The following ZMAT4 variants were observed in gnomAD, a reference collection of about 807,000 sequenced individuals.
ZMAT4 encodes zinc finger matrin-type 4.
In ZMAT4, 17 loss-of-function variants were observed where a neutral mutation model predicts 28.7. That is an observed-to-expected ratio of 0.59 (90% CI 0.41 to 0.89). ZMAT4 has a LOEUF of 0.89. ZMAT4 is among the 40% of genes least tolerant of loss of function. The probability of loss-of-function intolerance (pLI) is 0.00; values close to 1 mark genes in which losing one functional copy is unlikely to be tolerated. For synonymous variants in ZMAT4, 117 were observed against 109.2 expected, an observed-to-expected ratio of 1.07 and a Z score of -0.44; for missense variants, 240 against 283.8, an observed-to-expected ratio of 0.85 and a Z score of 1.11.
chr8:40,595,632 T>C (rs1805064658), intron 5 of ZMAT4, among the ~76,000 whole-genome samples: 1 of 152,110 alleles, frequency 6.6e-6, no homozygotes, highest in South Asian at 2.1e-4. Context: ...TATCTAAACA[T>C]ACCTAAGCAC....
At chr8:40,558,803 C>T (rs760034844) in intron 6 of ZMAT4, among the ~76,000 whole-genome samples, 3 of 151,956 alleles carry the variant, frequency 2.0e-5, no homozygotes, top group Non-Finnish European at 4.4e-5. Flanking sequence ...ATCCCAGCCA[C>T]GACAGGATGA....
Position 40,801,436 on chromosome 8 carries a change from G to C in ZMAT4, c.102+24139C>G, listed in dbSNP as rs1461573640. On this transcript the variant is annotated intron_variant, in intron 2 of 6. Transcript: ENST00000297737. ...TAATCCCAGCACTCTGGGAGGCTGA[G>C]GCAGGCAGATCATCTGAGGTCAGGA... Among the ~76,000 whole-genome samples, 8 of 150,438 alleles carry C rather than the reference G, an allele frequency of 5.3e-5. No individual in the cohort carries two copies. In the South Asian group the frequency reaches 1.7e-3, roughly 31 times the overall value.
At chr8:40,679,440 C>G (rs190488731) in intron 4 of ZMAT4, among the ~76,000 whole-genome samples, 1 of 152,136 alleles carries the variant, frequency 6.6e-6, no homozygotes, top group Non-Finnish European at 1.5e-5. Flanking sequence ...CATAGTTCCA[C>G]AGGGCTGGGG....
chr8:40,685,958 T>A (rs1270279157), intron 4 of ZMAT4, among the ~76,000 whole-genome samples: 2 of 152,040 alleles, frequency 1.3e-5, no homozygotes, highest in African/African-American at 4.8e-5. Context: ...TGCAGGTACC[T>A]CCAATGGGCA....
chr8:40,549,113 C>T (rs947347483), intron 6 of ZMAT4, among the ~76,000 whole-genome samples: 2 of 152,122 alleles, frequency 1.3e-5, no homozygotes, highest in African/African-American at 4.8e-5. Context: ...ACCCTTTTGC[C>T]CCTTCTGCCA....
At chr8:40,764,746 T>C (rs904830055) in intron 3 of ZMAT4, among the ~76,000 whole-genome samples, 2 of 152,156 alleles carry the variant, frequency 1.3e-5, no homozygotes, top group African/African-American at 4.8e-5. Flanking sequence ...TAATAATACA[T>C]GCAGAAAGTG....
Position 40,532,096 on chromosome 8 carries a change from G to T in ZMAT4, c.*127C>A. The T allele has an allele frequency of 1.2e-6, 1 of 825,566 alleles. No individual in the cohort carries two copies. The highest frequency in any genetic ancestry group is 1.7e-6 in the Non-Finnish European group (1 of 581,692). The allele number at this position is 825,566 out of a possible 1,614,324, so 51.1% of individuals were successfully genotyped here. Reference sequence around the variant, plus strand: ...CCAAAAATCAAGATCAGTCGTATGTGAATCTGTGAATCCTTATAAGAAATG... The same window carrying T: ...CCAAAAATCAAGATCAGTCGTATGTTAATCTGTGAATCCTTATAAGAAATG... On this transcript the variant is annotated 3_prime_UTR_variant, in exon 7 of 7. Coordinates refer to ENST00000297737, the MANE Select transcript of ZMAT4 (RefSeq NM_024645.3).
Position 40,831,112 on chromosome 8 carries a change from G to T in ZMAT4, c.-4-5432C>A, listed in dbSNP as rs143740337. 7.2e-5 allele frequency among the ~76,000 whole-genome samples: 11 copies of T among 152,276 alleles called. No homozygotes were observed. In the East Asian group the frequency reaches 2.1e-3, roughly 29 times the overall value. On this transcript the variant is annotated intron_variant, in intron 1 of 6. Transcript: ENST00000297737. Reference sequence around the variant, plus strand: ...ACCACATGAAGATAACATAGTCGGTGCATTGAAATCATAGCTTTTATTGCT... The same window carrying T: ...ACCACATGAAGATAACATAGTCGGTTCATTGAAATCATAGCTTTTATTGCT...
At chr8:40,666,163 T>C (rs1478233255) in intron 5 of ZMAT4, among the ~76,000 whole-genome samples, 1 of 152,222 alleles carries the variant, frequency 6.6e-6, no homozygotes, top group Non-Finnish European at 1.5e-5. Context: ...CTGTGTTTTA[T>C]ACTGGCAAGA....
chr8:40,787,831 A>C (rs1814150421), intron 2 of ZMAT4, among the ~76,000 whole-genome samples: 1 of 152,222 alleles, frequency 6.6e-6, no homozygotes, highest in South Asian at 2.1e-4. Flanking sequence ...TGCTCAGGAA[A>C]GAATGCAACT....
chr8:40,597,474 C>G (rs1259615671), intron 5 of ZMAT4, among the ~76,000 whole-genome samples: 1 of 152,216 alleles, frequency 6.6e-6, no homozygotes, highest in Non-Finnish European at 1.5e-5. Context: ...TCGCCCTCAG[C>G]TCCTTCCGGG....
chr8:40,789,536 A>T (rs1386914281), intron 2 of ZMAT4, among the ~76,000 whole-genome samples: 1 of 152,350 alleles, frequency 6.6e-6, no homozygotes, highest in African/African-American at 2.4e-5. Flanking sequence ...TTTATTATAC[A>T]TTTTAAAATA....
intron 5 of ZMAT4, among the ~76,000 whole-genome samples, chr8:40,628,986 C>A (rs1806473613): frequency 6.9e-6 from 1 of 145,906 alleles, no homozygotes; most frequent in African/African-American, 2.5e-5. Context: ...TTGGGAAAAT[C>A]CTGCCCTCGA....
At chr8:40,665,122 C>T (rs1419823084) in intron 5 of ZMAT4, among the ~76,000 whole-genome samples, 1 of 152,178 alleles carries the variant, frequency 6.6e-6, no homozygotes, top group Non-Finnish European at 1.5e-5. Flanking sequence ...AGGAGAATCA[C>T]TTGAACCTGA....
At chr8:40,807,823 A>G (rs181225541) in intron 2 of ZMAT4, among the ~76,000 whole-genome samples, 2 of 152,250 alleles carry the variant, frequency 1.3e-5, no homozygotes, top group African/African-American at 4.8e-5. Flanking sequence ...TAGCATCACC[A>G]ATATCAATTA....
chr8:40,850,798 T>G (rs975948542), intron 1 of ZMAT4, among the ~76,000 whole-genome samples: 8 of 152,190 alleles, frequency 5.3e-5, no homozygotes, highest in Non-Finnish European at 5.9e-5. Flanking sequence ...ATGTAAACAT[T>G]CTCCTCATAC....
intron 3 of ZMAT4, among the ~76,000 whole-genome samples, chr8:40,716,904 T>C (rs1030806511): frequency 6.6e-6 from 1 of 152,128 alleles, no homozygotes; most frequent in African/African-American, 2.4e-5. Context: ...AGGAAGCCCA[T>C]GGGTATCACG....
chr8:40,826,032 G>C (rs1022337702), intron 1 of ZMAT4, among the ~76,000 whole-genome samples: 5 of 152,224 alleles, frequency 3.3e-5, no homozygotes, highest in African/African-American at 1.2e-4. Context: ...GCCGAGGTGG[G>C]AGCATCACTT....
chr8:40,650,942 T>G (rs1807613784), intron 5 of ZMAT4, among the ~76,000 whole-genome samples: 1 of 151,472 alleles, frequency 6.6e-6, no homozygotes, highest in Non-Finnish European at 1.5e-5. Context: ...TAATAAGAGC[T>G]ATCTATGACA....
Sources: gnomAD v4.1 joint callset for allele counts (sites outside exome capture counted in the v4.1 genomes callset) on GRCh38, gnomAD v4.1.1 for gene constraint, MANE v1.5 for transcripts, NCBI Gene and HGNC (gene_info 2026-07-23, HGNC 2026-07-21) for gene names.